The following KIF13A variants were observed in gnomAD, a reference collection of about 807,000 sequenced individuals.
The protein encoded by KIF13A is kinesin-like protein KIF13A.
KIF13A carries 79 observed loss-of-function variants against 212.2 expected under a neutral mutation model. The ratio of observed to expected loss-of-function variants is 0.37; its 90% confidence interval spans 0.31 to 0.45. The LOEUF (loss-of-function observed/expected upper bound fraction) is 0.45. Among genes scored for constraint, KIF13A ranks in the 20% least tolerant of loss-of-function variants. The pLI is 1.00. For missense variants in KIF13A, 1,901 were observed against 2,209.0 expected (o/e 0.86, Z 2.79); for synonymous variants, 789 against 808.6 (o/e 0.98, Z 0.41).
Position 17,783,775 on chromosome 6 carries a change from A to T in KIF13A, c.3489-74T>A, listed in dbSNP as rs1760811268. 2.1e-6 allele frequency: 2 copies of T among 957,344 alleles called. No individual in the cohort carries two copies. Among genetic ancestry groups the T allele is most frequent in the Non-Finnish European group, 3.3e-6 (2 of 608,782 alleles). 59.3% of individuals were successfully genotyped at this position (957,344 alleles called of 1,614,324 possible). On this transcript the variant is annotated intron_variant, in intron 28 of 38. Coordinates refer to ENST00000259711, the MANE Select transcript of KIF13A (RefSeq NM_022113.6). The surrounding 1 kb of genome is among the most constrained non-coding windows in gnomAD (Gnocchi z 4.3). ...CTTGTTAGCTGATAAAACACCACAG[A>T]GCTGTGGAAGCAAAGAGAACCATGG...
At chr6:17,831,751 A>C (rs1267517996) in intron 12 of KIF13A, among the ~76,000 whole-genome samples, 6 of 149,064 alleles carry the variant, frequency 4.0e-5, no homozygotes, top group African/African-American at 9.9e-5. Context: ...ACCCCTGGCA[A>C]ATATCAGAAA....
chr6:17,882,932 T>C (rs1204027527), intron 3 of KIF13A, among the ~76,000 whole-genome samples: 1 of 152,244 alleles, frequency 6.6e-6, no homozygotes, highest in East Asian at 1.9e-4. Context: ...TCAGATTCTG[T>C]ATGTGTGTAT....
intron 2 of KIF13A, among the ~76,000 whole-genome samples, chr6:17,959,875 T>C (rs1228194404): frequency 1.3e-5 from 2 of 151,990 alleles, no homozygotes; most frequent in Non-Finnish European, 2.9e-5. Flanking sequence ...AATACAAAAT[T>C]AGCCTGGTGT....
intron 2 of KIF13A, chr6:17,950,403 A>G (rs1777748089): frequency 1.0e-6 from 1 of 967,806 alleles, no homozygotes; most frequent in South Asian, 4.8e-5. Flanking sequence ...ACTCACAGAC[A>G]TGTGCTTTCA....
intron 18 of KIF13A, among the ~76,000 whole-genome samples, chr6:17,806,607 C>T (rs1410001289): frequency 2.0e-5 from 3 of 152,074 alleles, no homozygotes; most frequent in Non-Finnish European, 2.9e-5. Flanking sequence ...TGGCTGGGCA[C>T]GGTGGCTCAT....
chr6:17,923,069 C>T (rs1016457362), intron 2 of KIF13A, among the ~76,000 whole-genome samples: 43 of 151,768 alleles, frequency 2.8e-4, no homozygotes, highest in African/African-American at 8.7e-4. Flanking sequence ...CTCAGAAGTT[C>T]AAGACCAGCC....
intron 12 of KIF13A, among the ~76,000 whole-genome samples, chr6:17,831,780 G>A (rs1442501945): frequency 6.7e-6 from 1 of 149,828 alleles, no homozygotes; most frequent in African/African-American, 2.5e-5. Context: ...AGTTAAGGCT[G>A]GAAGAGAAGG....
intron 31 of KIF13A, 57 bp from the exon 32 acceptor site, chr6:17,779,741 T>G (rs1040422320): frequency 2.0e-5 from 11 of 539,528 alleles, no homozygotes; most frequent in Non-Finnish European, 2.1e-5. Flanking sequence ...AGTTATTTTG[T>G]ATTTTTTTTT....
In KIF13A at chr6:17,987,002, G is replaced by A. The variant is rs1781621919; in HGVS notation, c.146+52C>T. The stretch of plus-strand genomic sequence containing the variant: ...TCCCATTTTCCTGGCTCAAACTTGC[G>A]GGACCCCGCGAGGCTGGATCCTCCC... On this transcript the variant is annotated intron_variant, in intron 2 of 38. Transcript: ENST00000259711. The surrounding 1 kb of genome is among the most constrained non-coding windows in gnomAD (Gnocchi z 7.7). 7.2e-7 allele frequency: 1 copy of A among 1,387,460 alleles called. No homozygotes were observed. The highest frequency in any genetic ancestry group is 2.3e-5 in the East Asian group (1 of 43,434). The allele number at this position is 1,387,460 out of a possible 1,614,324, so 85.9% of individuals were successfully genotyped here. A position where few individuals can be genotyped will look rare whatever the true frequency, so the allele number is the denominator to read the frequency against.
intron 4 of KIF13A, among the ~76,000 whole-genome samples, chr6:17,866,094 A>G (rs1769335756): frequency 6.6e-6 from 1 of 152,334 alleles, no homozygotes; most frequent in Non-Finnish European, 1.5e-5. Context: ...GGAGTCATAC[A>G]GGAGGGTGTT....
Position 17,967,557 on chromosome 6 carries a change from A to G in KIF13A, c.146+19497T>C, listed in dbSNP as rs911310311. 7.9e-5 allele frequency among the ~76,000 whole-genome samples: 12 copies of G among 152,372 alleles called. No individual in the cohort carries two copies. Among genetic ancestry groups the G allele is most frequent in the African/African-American group, 2.2e-4 (9 of 41,584 alleles). ...AAACTATCCGAAGTCTTTCTGGAAG[A>G]CTGCACGTGTCAGGAGCAGAGATGC... On this transcript the variant is annotated intron_variant, in intron 2 of 38. Coordinates refer to ENST00000259711, the MANE Select transcript of KIF13A (RefSeq NM_022113.6). This position sits in a 1 kb window ranked among gnomAD's most constrained non-coding sequence, Gnocchi z 4.1.
rs577375675 is a variant in KIF13A, at chr6:17,830,745, A to AACC, written c.1401+353_1401+355dup. ...GGAATTACTCAGAAGCATAACTAAG[A>AACC]ACCTCCAGAGCTTCTCAGGAGCTTT... On this transcript the variant is annotated intron_variant, in intron 13 of 38. Coordinates refer to ENST00000259711, the MANE Select transcript of KIF13A (RefSeq NM_022113.6). Among the ~76,000 whole-genome samples, 12 of 152,308 alleles carry AACC rather than the reference A, an allele frequency of 7.9e-5. No individual in the cohort carries two copies. The East Asian group carries it at 2.3e-3, about 29-fold the overall frequency.
intron 2 of KIF13A, among the ~76,000 whole-genome samples, chr6:17,932,728 G>C (rs1776107586): frequency 6.6e-6 from 1 of 151,414 alleles, no homozygotes; most frequent in African/African-American, 2.4e-5. Flanking sequence ...CCTACAGCTT[G>C]TATGCAGGCC....
At chr6:17,887,980 A>G (rs574970979) in intron 3 of KIF13A, among the ~76,000 whole-genome samples, 39 of 151,440 alleles carry the variant, frequency 2.6e-4, no homozygotes, top group South Asian at 1.5e-3. Flanking sequence ...TGCTAGGATT[A>G]CAGGTGTGAG....
chr6:17,785,849 C>G lies in KIF13A; in HGVS notation c.3362-208G>C, dbSNP rs1336130953. Among the ~76,000 whole-genome samples the G allele has an allele frequency of 6.6e-6, 1 of 151,914 alleles. No individual in the cohort carries two copies. Among genetic ancestry groups the G allele is most frequent in the Non-Finnish European group, 1.5e-5 (1 of 67,988 alleles). On this transcript the variant is annotated intron_variant, in intron 27 of 38. Transcript: ENST00000259711. This position sits in a 1 kb window ranked among gnomAD's most constrained non-coding sequence, Gnocchi z 5.8. Reference sequence around the variant, plus strand: ...GGAAGATCACTTGAGCCTGGGAGTTCAAGGCTACAGTGAGCTATCATCACA... The same window carrying G: ...GGAAGATCACTTGAGCCTGGGAGTTGAAGGCTACAGTGAGCTATCATCACA...
chr6:17,790,075 C>T (rs1761401732), intron 25 of KIF13A, among the ~76,000 whole-genome samples, 165 bp from the exon 26 acceptor site: 1 of 152,116 alleles, frequency 6.6e-6, no homozygotes. Flanking sequence ...GGATTTAATT[C>T]ACTTGTCTAT....
rs1262614093 is a variant in KIF13A at position 17,978,003 on chromosome 6, G to A, written c.146+9051C>T. ...TGCGCTTTGACATGAAAAGTACACT[G>A]CAAGCATAATTTGATAAAATAGTCC... On this transcript the variant is annotated intron_variant, in intron 2 of 38. Transcript: ENST00000259711. 3.9e-5 allele frequency among the ~76,000 whole-genome samples: 6 copies of A among 152,188 alleles called. No individual in the cohort carries two copies. The East Asian group carries it at 1.2e-3, about 29-fold the overall frequency.
intron 2 of KIF13A, among the ~76,000 whole-genome samples, chr6:17,906,762 C>T (rs889248734): frequency 6.6e-6 from 1 of 152,078 alleles, no homozygotes; most frequent in Non-Finnish European, 1.5e-5. Flanking sequence ...TGCTGTGGTA[C>T]TTTTCAAGAA....
chr6:17,776,488 GTCTC>G lies in KIF13A; in HGVS notation c.4170+785_4170+788del, dbSNP rs201848331. On this transcript the variant is annotated intron_variant, in intron 34 of 38. Transcript: ENST00000259711. The surrounding 1 kb of genome is among the most constrained non-coding windows in gnomAD (Gnocchi z 4.6). ...CGTTTTTCAATTTACAACTATATGA[GTCTC>G]TCTTATCTATTTCTAATAAATGCAT... is the stretch of plus-strand genomic sequence containing the variant. Among the ~76,000 whole-genome samples the G allele has an allele frequency of 0.014, 2,168 of 152,188 alleles. 46 individuals are homozygous for G. Among genetic ancestry groups the G allele is most frequent in the Non-Finnish European group, 0.016 (1,105 of 68,008 alleles).
Sources: gnomAD v4.1 joint callset for allele counts (sites outside exome capture counted in the v4.1 genomes callset) on GRCh38, gnomAD v4.1.1 for gene constraint, Gnocchi (gnomAD v3.1) non-coding constraint, MANE v1.5 for transcripts, NCBI Gene and HGNC (gene_info 2026-07-23, HGNC 2026-07-21) for gene names.